Variants in YIPF4 observed in about 807,000 individuals in gnomAD.
The protein encoded by YIPF4 is Yip1 domain family member 4, also known as protein YIPF4.
Under a neutral mutation model 29.4 loss-of-function variants are expected in YIPF4, and 18 were observed. The observed-to-expected ratio is 0.61, with a 90% CI of 0.42 to 0.91. The LOEUF is 0.91. YIPF4 is among the 40% of genes least tolerant of loss of function. YIPF4 has a pLI of 0.00. For missense variants in YIPF4, 279 were observed against 282.7 expected (o/e 0.99, Z 0.09); for synonymous variants, 115 against 104.7 (o/e 1.10, Z -0.60).
At chr2:32,298,207 A>G in intron 3 of YIPF4, 27 bp from the exon 4 acceptor site, 3 of 1,507,672 alleles carry the variant, frequency 2.0e-6, no homozygotes, top group Non-Finnish European at 2.8e-6. Flanking sequence ...GTATAAAAAT[A>G]TTAATTGCAT....
In YIPF4 at chr2:32,315,975, G is replaced by A. The variant is rs528811658; in HGVS notation, c.*10349G>A. 8 of 142,560 alleles carry A rather than the reference G, an allele frequency of 5.6e-5. No homozygotes were observed. Among genetic ancestry groups the A allele is most frequent in the South Asian group, 2.2e-4 (1 of 4,560 alleles). The allele number at this position is 142,560 out of a possible 1,614,324, so 8.8% of individuals were successfully genotyped here. Reference sequence around the variant, plus strand: ...GCAGGAGCATAGCTTGAGCCCAGGCGTTCAAGACCTGCCTGGGCAATATAG... The same window carrying A: ...GCAGGAGCATAGCTTGAGCCCAGGCATTCAAGACCTGCCTGGGCAATATAG... On this transcript the variant is annotated 3_prime_UTR_variant, in exon 6 of 6. Coordinates refer to ENST00000238831, the MANE Select transcript of YIPF4 (RefSeq NM_032312.4).
In YIPF4 at chr2:32,306,159, CT is replaced by C; in HGVS notation, c.*539del. 1.2e-6 allele frequency: 1 copy of C among 817,416 alleles called. No homozygotes were observed. Among genetic ancestry groups the C allele is most frequent in the Non-Finnish European group, 1.5e-6 (1 of 677,108 alleles). The allele number at this position is 817,416 out of a possible 1,614,324, so 50.6% of individuals were successfully genotyped here. On this transcript the variant is annotated 3_prime_UTR_variant, in exon 6 of 6. Transcript: ENST00000238831. ...CAAACTTTTTAATTTGGCCATTAATCTTTTTTATTTAAAAATTTAAATTTGT... is the reference window on the plus strand; with the variant it reads ...CAAACTTTTTAATTTGGCCATTAATCTTTTTATTTAAAAATTTAAATTTGT...
rs1039973735 is a variant in YIPF4 at position 32,315,601 on chromosome 2, T to A, written c.*9975T>A. The A allele has an allele frequency of 6.6e-6, 1 of 151,956 alleles. No individual in the cohort carries two copies. Among genetic ancestry groups the A allele is most frequent in the African/African-American group, 2.4e-5 (1 of 41,332 alleles). The allele number at this position is 151,956 out of a possible 1,614,324, so 9.4% of individuals were successfully genotyped here. ...CGTCTCTACTAAACATATAAAAAAT[T>A]AGCCGGGCTTGGTGGCGGGCGCCTG... On this transcript the variant is annotated 3_prime_UTR_variant, in exon 6 of 6. Coordinates refer to ENST00000238831, the MANE Select transcript of YIPF4 (RefSeq NM_032312.4).
chr2:32,305,730 T>G lies in YIPF4; in HGVS notation c.*104T>G. The G allele has an allele frequency of 3.8e-6, 5 of 1,303,032 alleles. No individual in the cohort carries two copies. The highest frequency in any genetic ancestry group is 4.9e-6 in the Non-Finnish European group (5 of 1,024,906). The allele number at this position is 1,303,032 out of a possible 1,614,324, so 80.7% of individuals were successfully genotyped here. On this transcript the variant is annotated 3_prime_UTR_variant, in exon 6 of 6. Transcript: ENST00000238831. ...AAACCTGTTGCTGCAAAATTTTACA[T>G]GTTCCAGATGGAAAGGGAAGTCTAA... is the stretch of plus-strand genomic sequence containing the variant.
In YIPF4 at chr2:32,312,076, T is replaced by C. The variant is rs1200381586; in HGVS notation, c.*6450T>C. 2.6e-5 allele frequency: 4 copies of C among 152,222 alleles called. No homozygotes were observed. Among genetic ancestry groups the C allele is most frequent in the African/African-American group, 9.6e-5 (4 of 41,466 alleles). The allele number at this position is 152,222 out of a possible 1,614,324, so 9.4% of individuals were successfully genotyped here. ...GGAGAATTACTTCATGTGATAATTA[T>C]AGTCTCTTCATGGAAAACAGTAAAA... On this transcript the variant is annotated 3_prime_UTR_variant, in exon 6 of 6. Coordinates refer to ENST00000238831, the MANE Select transcript of YIPF4 (RefSeq NM_032312.4).
chr2:32,285,683 T>A (rs2030632375), intron 1 of YIPF4, among the ~76,000 whole-genome samples: 1 of 141,978 alleles, frequency 7.0e-6, no homozygotes, highest in Non-Finnish European at 1.5e-5. Context: ...GGAGACGGAG[T>A]CTTGCTGTGT....
At position 32,312,608 on chromosome 2, in the gene YIPF4, G is replaced by A. The variant is rs1281056876; in HGVS notation, c.*6982G>A. 6.6e-6 allele frequency: 1 copy of A among 151,510 alleles called. No individual in the cohort carries two copies. The highest frequency in any genetic ancestry group is 1.5e-5 in the Non-Finnish European group (1 of 67,996). The allele number at this position is 151,510 out of a possible 1,614,324, so 9.4% of individuals were successfully genotyped here. ...TGAATTTGGCACCCTGAATGTGAAGGGACAATAGATATTAATCACATATTT... is the reference window on the plus strand; with the variant it reads ...TGAATTTGGCACCCTGAATGTGAAGAGACAATAGATATTAATCACATATTT... On this transcript the variant is annotated 3_prime_UTR_variant, in exon 6 of 6. Transcript: ENST00000238831.
chr2:32,294,933 G>A (rs907474392), intron 3 of YIPF4, among the ~76,000 whole-genome samples: 5 of 152,264 alleles, frequency 3.3e-5, no homozygotes, highest in Admixed American at 1.3e-4. Flanking sequence ...CAGGCGTGGC[G>A]GCGTGCGCCT....
At position 32,311,831 on chromosome 2, in the gene YIPF4, G is replaced by A. The variant is rs1315675982; in HGVS notation, c.*6205G>A. ...AAATTACACAAAATGATAATGGGGA[G>A]AAATTTCTCATCTGGTGATAAAGGG... On this transcript the variant is annotated 3_prime_UTR_variant, in exon 6 of 6. Coordinates refer to ENST00000238831, the MANE Select transcript of YIPF4 (RefSeq NM_032312.4). 6.6e-6 allele frequency: 1 copy of A among 152,134 alleles called. No homozygotes were observed. The highest frequency in any genetic ancestry group is 6.5e-5 in the Admixed American group (1 of 15,270). 9.4% of individuals were successfully genotyped at this position (152,134 alleles called of 1,614,324 possible).
rs577777757 is a variant in YIPF4 at position 32,279,804 on chromosome 2, T to G, written c.79+1570T>G. On this transcript the variant is annotated intron_variant, in intron 1 of 5. Transcript: ENST00000238831. The stretch of plus-strand genomic sequence containing the variant: ...TGTTGTGCTGTTTGGCATTGTTTTT[T>G]AAAAATAGTACTGGTCATAATTTAA... 9.5e-4 allele frequency among the ~76,000 whole-genome samples: 145 copies of G among 152,062 alleles called. 1 individual carries two copies. In the Middle Eastern group the frequency reaches 0.014, roughly 14 times the overall value.
chr2:32,291,563 C>T (rs191926688), intron 2 of YIPF4, among the ~76,000 whole-genome samples: 120 of 152,006 alleles, frequency 7.9e-4, no homozygotes, highest in Non-Finnish European at 8.1e-4. Context: ...AGAAACAAAC[C>T]GTATACCATC....
intron 3 of YIPF4, among the ~76,000 whole-genome samples, chr2:32,294,793 A>AC (rs1196294298): frequency 2.0e-5 from 3 of 152,226 alleles, no homozygotes; most frequent in Non-Finnish European, 4.4e-5. Flanking sequence ...CACTGAGTGA[A>AC]CCAGACACCG....
At chr2:32,298,594 C>A (rs2031279782) in intron 4 of YIPF4, among the ~76,000 whole-genome samples, 1 of 152,068 alleles carries the variant, frequency 6.6e-6, no homozygotes. Flanking sequence ...TGGAATCTTG[C>A]TTTGTCATCC....
chr2:32,296,826 A>G (rs2031205752), intron 3 of YIPF4, among the ~76,000 whole-genome samples: 1 of 152,238 alleles, frequency 6.6e-6, no homozygotes, highest in Admixed American at 6.5e-5. Context: ...TTAGCCTACT[A>G]ATTTTAGCAT....
At chr2:32,289,024 C>T (rs1426154450) in intron 1 of YIPF4, among the ~76,000 whole-genome samples, 5 of 152,116 alleles carry the variant, frequency 3.3e-5, no homozygotes, top group Non-Finnish European at 7.4e-5. Flanking sequence ...TAAATTCCAC[C>T]TCTCTCATTT....
In YIPF4 at chr2:32,311,190, G is replaced by C. The variant is rs531272567; in HGVS notation, c.*5564G>C. On this transcript the variant is annotated 3_prime_UTR_variant, in exon 6 of 6. Coordinates refer to ENST00000238831, the MANE Select transcript of YIPF4 (RefSeq NM_032312.4). ...TTAAAAAAAATACATTCTGAAGAAA[G>C]TTCTACTTATGAATACATTTTATTT... The C allele has an allele frequency of 3.3e-5, 5 of 152,234 alleles. No individual in the cohort carries two copies. In the East Asian group the frequency reaches 9.6e-4, roughly 29 times the overall value. The allele number at this position is 152,234 out of a possible 1,614,324, so 9.4% of individuals were successfully genotyped here.
rs926757993 is a variant in YIPF4, at chr2:32,311,205, A to G, written c.*5579A>G. The G allele has an allele frequency of 2.0e-5, 3 of 152,226 alleles. No individual in the cohort carries two copies. The highest frequency in any genetic ancestry group is 4.4e-5 in the Non-Finnish European group (3 of 68,044). The allele number at this position is 152,226 out of a possible 1,614,324, so 9.4% of individuals were successfully genotyped here. A position where few individuals can be genotyped will look rare whatever the true frequency, so the allele number is the denominator to read the frequency against. On this transcript the variant is annotated 3_prime_UTR_variant, in exon 6 of 6. Transcript: ENST00000238831. ...TCTGAAGAAAGTTCTACTTATGAAT[A>G]CATTTTATTTATAACAAACTGGTGA...
chr2:32,280,820 A>G (rs759676210), intron 1 of YIPF4, among the ~76,000 whole-genome samples: 20 of 152,116 alleles, frequency 1.3e-4, no homozygotes, highest in Non-Finnish European at 2.5e-4. Context: ...CAGCACCCCA[A>G]AATATTTCAA....
chr2:32,295,259 A>T (rs1168809308), intron 3 of YIPF4, among the ~76,000 whole-genome samples: 1 of 152,194 alleles, frequency 6.6e-6, no homozygotes, highest in Non-Finnish European at 1.5e-5. Flanking sequence ...CTCATGCCAA[A>T]TTTAAGGCTT....
Sources: gnomAD v4.1 joint callset for allele counts (sites outside exome capture counted in the v4.1 genomes callset) on GRCh38, gnomAD v4.1.1 for gene constraint, MANE v1.5 for transcripts, NCBI Gene and HGNC (gene_info 2026-07-23, HGNC 2026-07-21) for gene names.